WDR45: variants seen among roughly 807,000 people sequenced by gnomAD.
The protein encoded by WDR45 is WD repeat domain 45.
WDR45 carries 2 observed loss-of-function variants against 27.3 expected under a neutral mutation model. That is an observed-to-expected ratio of 0.07 (90% CI 0.03 to 0.23). WDR45 has a LOEUF of 0.23. WDR45 is among the 10% of genes least tolerant of loss of function. The pLI, the probability that WDR45 is intolerant of heterozygous loss-of-function variation, is 1.00. For missense variants in WDR45, 175 were observed against 311.9 expected (o/e 0.56, Z 3.31); for synonymous variants, 99 against 119.2 (o/e 0.83, Z 1.11).
Position 49,077,676 on chromosome X carries a change from C to A in WDR45, c.202G>T (p.Gly68Cys). Reference sequence around the variant, plus strand: ...TCTGAGAACTTGGGACTACTACCACCGCCCACCAAGGCCAGAAGGTTGGAG... The same window carrying A: ...TCTGAGAACTTGGGACTACTACCACAGCCCACCAAGGCCAGAAGGTTGGAG... ...HRSNLLALVG[G>C]GSSPKFSEIS... is the part of the protein sequence containing the mutation. Residue 68 changes from glycine (G) to cysteine (C), a missense_variant, in exon 4 of 11, where the codon GGT (glycine) becomes TGT (cysteine). This residue lies in a region of WDR45 where 102 missense variants were observed against 165.4 expected (regional missense o/e 0.62). Transcript: ENST00000376372. 1 of 1,201,614 alleles carries A rather than the reference C, an allele frequency of 8.3e-7. No homozygotes were observed. The highest frequency in any genetic ancestry group is 1.7e-5 in the African/African-American group (1 of 57,564).
In WDR45 at chrX:49,091,755, C is replaced by CAA. The variant is rs1162476660; in HGVS notation, c.-18+8448_-18+8449dup. On this transcript the variant is annotated intron_variant, in intron 2 of 11. Transcript: ENST00000356463. ...TGGGCGACAGAGCGAGACTCCGTCTCAAAAAAAAAAAAAAAAAAAAAAAAA... is the reference window on the plus strand; with the variant it reads ...TGGGCGACAGAGCGAGACTCCGTCTCAAAAAAAAAAAAAAAAAAAAAAAAAAA... 1.8e-3 allele frequency among the ~76,000 whole-genome samples: 62 copies of CAA among 35,193 alleles called. 4 individuals carry two copies. The highest frequency in any genetic ancestry group is 7.0e-3 in the African/African-American group (45 of 6,395). 30.6% of individuals were successfully genotyped at this position (35,193 alleles called of 115,157 possible).
chrX:49,085,760 C>G (rs2065084302), intron 2 of WDR45, among the ~76,000 whole-genome samples: 1 of 64,164 alleles, frequency 1.6e-5, no homozygotes, highest in African/African-American at 5.3e-5. Context: ...GCCTCTAGTC[C>G]CAGCTACTCA....
intron 2 of WDR45, among the ~76,000 whole-genome samples, chrX:49,094,478 A>T (rs782768799): frequency 3.6e-4 from 38 of 106,497 alleles, no homozygotes; most frequent in East Asian, 8.8e-4. Context: ...AAGAAAAAAA[A>T]TTTTTTTTTT....
At chrX:49,093,211 T>C (rs1170057249) in intron 2 of WDR45, among the ~76,000 whole-genome samples, 1 of 111,082 alleles carries the variant, frequency 9.0e-6, no homozygotes, top group Non-Finnish European at 1.9e-5. Context: ...GCCTGGCCAG[T>C]ATTATGTTTT....
In WDR45 at chrX:49,077,794, C is replaced by T. The variant is rs150666311; in HGVS notation, c.130+43G>A. The stretch of plus-strand genomic sequence containing the variant: ...AGTGGAGGTGGGAGCCAACGCCCAG[C>T]CCAGCTCTTCTGCCCATTGCCCCTC... On this transcript the variant is annotated intron_variant, in intron 3 of 10. Coordinates refer to ENST00000376372, the MANE Select transcript of WDR45 (RefSeq NM_001029896.2). 3.7e-3 allele frequency: 4,510 copies of T among 1,204,724 alleles called. 110 individuals are homozygous for T. The African/African-American group carries it at 0.069, about 18-fold the overall frequency.
upstream of WDR45, among the ~76,000 whole-genome samples, chrX:49,084,596 A>G (rs782022552): frequency 9.3e-6 from 1 of 107,840 alleles, no homozygotes; most frequent in African/African-American, 3.4e-5. Flanking sequence ...GGAAACAACC[A>G]ACTTTGCCCC....
intron 2 of WDR45, among the ~76,000 whole-genome samples, chrX:49,092,213 A>G (rs1384026197): frequency 6.5e-5 from 7 of 107,670 alleles, no homozygotes; most frequent in Non-Finnish European, 1.1e-4. Flanking sequence ...TTTGTATGCT[A>G]TAGTAACAAA....
At chrX:49,099,842 A>G (rs782197451) in intron 2 of WDR45, among the ~76,000 whole-genome samples, 1 of 99,139 alleles carries the variant, frequency 1.0e-5, no homozygotes, top group Non-Finnish European at 2.2e-5. Flanking sequence ...ACCAGACCTG[A>G]TATCAACGTT....
At chrX:49,084,790 A>G (rs1254474587), upstream of WDR45, among the ~76,000 whole-genome samples, 9 of 110,119 alleles carry the variant, frequency 8.2e-5, no homozygotes, top group African/African-American at 2.6e-4. Flanking sequence ...ACCTGCCATC[A>G]TGCCTGGCTA....
intron 2 of WDR45, among the ~76,000 whole-genome samples, chrX:49,092,232 G>A (rs1293508050): frequency 9.2e-6 from 1 of 108,823 alleles, no homozygotes; most frequent in Non-Finnish European, 1.9e-5. Context: ...AAGCAGATCC[G>A]TGGTTGCTTG....
At chrX:49,075,096 C>T in intron 10 of WDR45, 40 bp downstream of exon 10, 2 of 1,204,268 alleles carry the variant, frequency 1.7e-6, no homozygotes, top group Non-Finnish European at 2.2e-6. Context: ...AGGCCTTTGC[C>T]CCATGCAGTA....
intron 8 of WDR45, 30 bp from the exon 9 acceptor site, chrX:49,075,495 A>G (rs1557084015): frequency 8.3e-7 from 1 of 1,209,006 alleles, no homozygotes; most frequent in African/African-American, 1.7e-5. Context: ...TGATGCCCAC[A>G]TGTCATGTGG....
chrX:49,076,716 G>C lies in WDR45; in HGVS notation c.270C>G (p.Asp90Glu). Residue 90 changes from aspartate to glutamate, a missense_variant, in exon 5 of 11, where the codon GAC becomes GAG. Physicochemically the swap from Asp to Glu is conservative, Grantham distance 45. Transcript: ENST00000376372. ...LIWDDAREGK[D>E]SKEKLVLEFT... The stretch of plus-strand genomic sequence containing the variant: ...ACTCCAGCACCAGCTTCTCCTTGGA[G>C]TCCTTGCCCTCCCGGGCATCGTCCC... 1.7e-6 allele frequency: 2 copies of C among 1,209,750 alleles called. No individual in the cohort carries two copies. The highest frequency in any genetic ancestry group is 2.2e-6 in the Non-Finnish European group (2 of 894,358).
At chrX:49,088,058 C>A (rs1557086168) in intron 2 of WDR45, among the ~76,000 whole-genome samples, 1 of 111,980 alleles carries the variant, frequency 8.9e-6, no homozygotes, top group African/African-American at 3.2e-5. Context: ...TGCTGGATAT[C>A]TGGAATGCCA....
At chrX:49,087,621 T>C (rs903825873) in intron 2 of WDR45, among the ~76,000 whole-genome samples, 3 of 112,270 alleles carry the variant, frequency 2.7e-5, no homozygotes, top group Non-Finnish European at 5.6e-5. Context: ...TGCTAAGATA[T>C]AGGGCTCAGG....
intron 2 of WDR45, among the ~76,000 whole-genome samples, chrX:49,087,374 T>A (rs2065090105): frequency 9.1e-6 from 1 of 109,641 alleles, no homozygotes; most frequent in African/African-American, 3.3e-5. Flanking sequence ...AGAAAAAAAA[T>A]TAGCTGGGTA....
intron 2 of WDR45, among the ~76,000 whole-genome samples, chrX:49,092,105 G>A (rs2065109096): frequency 1.6e-5 from 1 of 61,762 alleles, no homozygotes; most frequent in African/African-American, 6.9e-5. Flanking sequence ...GGGCAACAGA[G>A]CAACACTCCA....
rs782479514 is a variant in WDR45 at position 49,100,763 on chromosome X, G to T, written c.-367-209C>A. 4 of 113,030 alleles carry T rather than the reference G, an allele frequency of 3.5e-5. No homozygotes were observed. The South Asian group carries it at 1.4e-3, about 41-fold the overall frequency. 9.3% of individuals were successfully genotyped at this position (113,030 alleles called of 1,213,427 possible). A position where few individuals can be genotyped will look rare whatever the true frequency, so the allele number is the denominator to read the frequency against. ...TTTCACTGCTGCAAACGTTGGACCG[G>T]CTTGTGAGAAGGAGTACAGTTAATC... On this transcript the variant is annotated intron_variant, in intron 1 of 11. Transcript: ENST00000356463.
chrX:49,077,219 G>A (rs1790057156), intron 4 of WDR45: 1 of 196,542 alleles, frequency 5.1e-6, no homozygotes, highest in African/African-American at 3.0e-5. Flanking sequence ...TCAAGCCAAG[G>A]GGGTATTGGG....
Sources: allele counts gnomAD v4.1 joint callset (sites outside exome capture counted in the v4.1 genomes callset), GRCh38; gene constraint gnomAD v4.1.1; regional missense constraint gnomAD v4.1.1; transcripts MANE v1.5; gene names NCBI Gene and HGNC (gene_info 2026-07-23, HGNC 2026-07-21).